DOCK1: variants seen among roughly 807,000 people sequenced by gnomAD.
DOCK1 encodes dedicator of cytokinesis 1.
A neutral mutation model predicts 262.7 loss-of-function variants in DOCK1; 138 were observed. That is an observed-to-expected ratio of 0.53 (90% CI 0.46 to 0.61). The LOEUF (loss-of-function observed/expected upper bound fraction) is 0.61, where lower values mean the gene tolerates loss of function less well. Ranked by LOEUF, DOCK1 falls within the 20% of genes least tolerant of loss-of-function variation. The probability of loss-of-function intolerance (pLI) is 0.00; values close to 1 mark genes in which losing one functional copy is unlikely to be tolerated. For missense variants in DOCK1, 1,908 were observed against 2,370.7 expected, an observed-to-expected ratio of 0.80 and a Z score of 4.05; for synonymous variants, 866 against 867.4, an observed-to-expected ratio of 1.00 and a Z score of 0.03.
chr10:127,033,756 G>A (rs2043399671), intron 18 of DOCK1, among the ~76,000 whole-genome samples: 1 of 152,200 alleles, frequency 6.6e-6, no homozygotes. Context: ...TCAGGACATT[G>A]TAGTGGAGCG....
intron 29 of DOCK1, among the ~76,000 whole-genome samples, chr10:127,289,524 T>C (rs1195366308): frequency 6.6e-6 from 1 of 152,194 alleles, no homozygotes; most frequent in Admixed American, 6.5e-5. Context: ...ACAATTTTGG[T>C]AAATAATACT....
At chr10:127,243,412 A>G (rs1590090505) in intron 27 of DOCK1, among the ~76,000 whole-genome samples, 1 of 152,036 alleles carries the variant, frequency 6.6e-6, no homozygotes, top group Admixed American at 6.5e-5. Flanking sequence ...CCAGCACCCC[A>G]TTCTACCTGT....
At position 127,052,790 on chromosome 10, in the gene DOCK1, G is replaced by A. The variant is rs902914475; in HGVS notation, c.2311G>A (p.Val771Met). The change falls in exon 22 of 52, where the codon GTG (valine) becomes ATG (methionine). Residue 771 changes from valine (V) to methionine (M), a missense_variant. Coordinates refer to ENST00000623213, the MANE Select transcript of DOCK1 (RefSeq NM_001290223.2). ...KALESIFKFI[V>M]RSRILFNQLY... The stretch of plus-strand genomic sequence containing the variant: ...GCTAGAATCCATCTTCAAGTTCATC[G>A]TGCGCTCCAGGATCCTGTTCAATCA... The A allele has an allele frequency of 1.9e-6, 3 of 1,613,526 alleles. No individual in the cohort carries two copies. The highest frequency in any genetic ancestry group is 1.3e-5 in the African/African-American group (1 of 75,014).
chr10:126,939,069 G>A (rs2034790510), intron 1 of DOCK1, among the ~76,000 whole-genome samples: 1 of 145,944 alleles, frequency 6.9e-6, no homozygotes, highest in South Asian at 2.3e-4. Context: ...GGGGGGGGAC[G>A]AACACCGGAG....
intron 27 of DOCK1, among the ~76,000 whole-genome samples, chr10:127,181,760 A>T (rs1241359490): frequency 6.6e-6 from 1 of 152,158 alleles, no homozygotes; most frequent in Non-Finnish European, 1.5e-5. Context: ...CCGGAAGGGG[A>T]GGTAAAATAG....
intron 33 of DOCK1, among the ~76,000 whole-genome samples, chr10:127,371,319 T>G (rs1373558197): frequency 6.6e-6 from 1 of 152,094 alleles, no homozygotes; most frequent in Non-Finnish European, 1.5e-5. Context: ...TGGACTAGGG[T>G]TAGTAAAATT....
At chr10:127,261,890 CTG>C (rs36164686) in intron 29 of DOCK1, among the ~76,000 whole-genome samples, 40,106 of 114,870 alleles carry the variant, frequency 0.35, 6,999 homozygotes, top group East Asian at 0.4. Flanking sequence ...CCGTGCTCAT[CTG>C]TGTGTGTGCA....
intron 23 of DOCK1, among the ~76,000 whole-genome samples, chr10:127,097,641 G>A (rs185595415): frequency 6.6e-6 from 1 of 152,198 alleles, no homozygotes; most frequent in Non-Finnish European, 1.5e-5. Context: ...CCCCCCACTG[G>A]TGGACAGACG....
intron 27 of DOCK1, among the ~76,000 whole-genome samples, chr10:127,212,934 A>C (rs1184553662): frequency 6.6e-6 from 1 of 152,198 alleles, no homozygotes; most frequent in East Asian, 1.9e-4. Flanking sequence ...CTATTTAAAA[A>C]ATTTAACAGT....
At chr10:127,285,943 A>T (rs1317077598) in intron 29 of DOCK1, among the ~76,000 whole-genome samples, 1 of 152,212 alleles carries the variant, frequency 6.6e-6, no homozygotes, top group Non-Finnish European at 1.5e-5. Context: ...CACGAGCCTG[A>T]GGCTGGCTCC....
chr10:126,948,160 T>G (rs1251262906), intron 1 of DOCK1, among the ~76,000 whole-genome samples: 1 of 99,696 alleles, frequency 1.0e-5, no homozygotes, highest in African/African-American at 3.7e-5. Flanking sequence ...ATGGTGGTGG[T>G]TGGTAGTATT....
At chr10:127,066,452 T>C (rs1169296613) in intron 23 of DOCK1, among the ~76,000 whole-genome samples, 1 of 152,210 alleles carries the variant, frequency 6.6e-6, no homozygotes, top group African/African-American at 2.4e-5. Context: ...CATCTGGTGA[T>C]GACTTGCTGT....
At position 127,186,512 on chromosome 10, in the gene DOCK1, CCCG is replaced by C. The variant is rs1278373213; in HGVS notation, c.2847+58751_2847+58753del. ...ATAACAGCATGGGAGAAACCGCCCC[CCCG>C]CCCCCCCCCGATCCAGTTACCTCCA... On this transcript the variant is annotated intron_variant, in intron 27 of 51. Transcript: ENST00000623213. 2.0e-3 allele frequency among the ~76,000 whole-genome samples: 47 copies of C among 23,878 alleles called. 2 individuals are homozygous for C. Among genetic ancestry groups the C allele is most frequent in the African/African-American group, 3.0e-3 (31 of 10,392 alleles). The allele number at this position is 23,878 out of a possible 152,430, so 15.7% of individuals were successfully genotyped here. A position where few individuals can be genotyped will look rare whatever the true frequency, so the allele number is the denominator to read the frequency against.
intron 14 of DOCK1, among the ~76,000 whole-genome samples, chr10:127,024,364 C>T (rs1266287215): frequency 6.6e-6 from 1 of 152,166 alleles, no homozygotes; most frequent in Non-Finnish European, 1.5e-5. Flanking sequence ...GTCCCTCACC[C>T]TAGACCTATG....
intron 29 of DOCK1, among the ~76,000 whole-genome samples, chr10:127,319,695 A>G (rs1004123796): frequency 6.6e-6 from 1 of 152,242 alleles, no homozygotes; most frequent in Admixed American, 6.5e-5. Context: ...TGGAAAGCCC[A>G]TATTCACAGT....
intron 49 of DOCK1, 24 bp from the exon 50 acceptor site, chr10:127,444,102 G>A (rs926205135): frequency 1.7e-5 from 26 of 1,551,636 alleles, no homozygotes; most frequent in Non-Finnish European, 2.3e-5. Flanking sequence ...CCGTAACTGT[G>A]CTCTTTCTGT....
intron 1 of DOCK1, among the ~76,000 whole-genome samples, chr10:126,916,755 C>T (rs539273447): frequency 2.0e-4 from 30 of 150,890 alleles, no homozygotes; most frequent in Non-Finnish European, 3.1e-4. Flanking sequence ...TCCTTCCTTC[C>T]TGTTTGCTTG....
intron 10 of DOCK1, among the ~76,000 whole-genome samples, 195 bp from the exon 11 acceptor site, chr10:127,008,537 C>T (rs2041197966): frequency 6.6e-6 from 1 of 151,886 alleles, no homozygotes; most frequent in Admixed American, 6.6e-5. Context: ...GCCATTTGAG[C>T]CCCAATTCCA....
At chr10:126,916,668 C>T (rs2134060003) in intron 1 of DOCK1, among the ~76,000 whole-genome samples, 1 of 151,808 alleles carries the variant, frequency 6.6e-6, no homozygotes, top group Middle Eastern at 3.4e-3. Context: ...GTCCTTTCTT[C>T]CTCCCCTCCT....
Sources: allele counts gnomAD v4.1 joint callset (sites outside exome capture counted in the v4.1 genomes callset), GRCh38; gene constraint gnomAD v4.1.1; transcripts MANE v1.5; gene names NCBI Gene and HGNC (gene_info 2026-07-23, HGNC 2026-07-21).